Variants in PIK3CA observed in about 807,000 individuals in gnomAD.
The protein encoded by PIK3CA is phosphatidylinositol-4,5-bisphosphate 3-kinase catalytic subunit alpha.
PIK3CA carries 27 observed loss-of-function variants against 138.2 expected under a neutral mutation model. The observed-to-expected ratio is 0.20, with a 90% CI of 0.14 to 0.27. PIK3CA has a LOEUF of 0.27. Ranked by LOEUF, PIK3CA falls within the 10% of genes least tolerant of loss-of-function variation. The probability of loss-of-function intolerance (pLI) is 1.00; values close to 1 mark genes in which losing one functional copy is unlikely to be tolerated. For synonymous variants in PIK3CA, 358 were observed against 413.2 expected, an observed-to-expected ratio of 0.87 and a Z score of 1.62; for missense variants, 544 against 1,277.4, an observed-to-expected ratio of 0.43 and a Z score of 8.75.
chr3:179,195,793 T>A (rs1724252437), intron 1 of PIK3CA, among the ~76,000 whole-genome samples: 1 of 152,208 alleles, frequency 6.6e-6, no homozygotes, highest in Non-Finnish European at 1.5e-5. Flanking sequence ...TCAAAAGTGT[T>A]ACTGCCCACC....
intron 1 of PIK3CA, among the ~76,000 whole-genome samples, chr3:179,185,456 A>C (rs778833711): frequency 2.0e-5 from 3 of 152,234 alleles, no homozygotes; most frequent in Non-Finnish European, 2.9e-5. Flanking sequence ...CCCCACCAAC[A>C]ATCAGTCAGT....
intron 1 of PIK3CA, among the ~76,000 whole-genome samples, chr3:179,169,785 C>A (rs927481884): frequency 1.3e-5 from 2 of 152,172 alleles, no homozygotes; most frequent in Non-Finnish European, 2.9e-5. Context: ...TATAATACTT[C>A]TTACTCTGTT....
rs1001419972 is a variant in PIK3CA at position 179,220,266 on chromosome 3, TGA to T, written c.2015+218_2015+219del. 2.8e-4 allele frequency among the ~76,000 whole-genome samples: 42 copies of T among 152,286 alleles called. 1 individual carries two copies. The highest frequency in any genetic ancestry group is 9.9e-4 in the African/African-American group (41 of 41,586). ...TTCAAAACTAAATTTTAGTCATGAA[TGA>T]GAGCTTAAATATTTTTAAAGATTTT... On this transcript the variant is annotated intron_variant, in intron 13 of 20. Coordinates refer to ENST00000263967, the MANE Select transcript of PIK3CA (RefSeq NM_006218.4). This position sits in a 1 kb window ranked among gnomAD's most constrained non-coding sequence, Gnocchi z 4.1.
At chr3:179,176,336 C>A (rs934806490) in intron 1 of PIK3CA, among the ~76,000 whole-genome samples, 4 of 152,182 alleles carry the variant, frequency 2.6e-5, no homozygotes, top group African/African-American at 9.7e-5. Context: ...AATGGGGTTT[C>A]ATGAGAATTG....
At chr3:179,204,873 T>C (rs1195782713) in intron 6 of PIK3CA, among the ~76,000 whole-genome samples, 2 of 151,474 alleles carry the variant, frequency 1.3e-5, no homozygotes, top group Non-Finnish European at 2.9e-5. Context: ...AAAAAAACAT[T>C]AGCCGGGCGT....
At position 179,235,085 on chromosome 3, in the gene PIK3CA, T is replaced by C. The variant is rs1158962599; in HGVS notation, c.*721T>C. 1.6e-5 allele frequency: 3 copies of C among 193,068 alleles called. No homozygotes were observed. The highest frequency in any genetic ancestry group is 8.1e-5 in the East Asian group (1 of 12,422). 12.0% of individuals were successfully genotyped at this position (193,068 alleles called of 1,614,324 possible). On this transcript the variant is annotated 3_prime_UTR_variant, in exon 21 of 21. Coordinates refer to ENST00000263967, the MANE Select transcript of PIK3CA (RefSeq NM_006218.4). ...TCTGGACAGTATTTAAAGGATCTTA[T>C]TCTTATTTCCCAGGGAAATTCTGGG... is the stretch of plus-strand genomic sequence containing the variant.
At chr3:179,172,985 T>A (rs1249254372) in intron 1 of PIK3CA, among the ~76,000 whole-genome samples, 1 of 152,222 alleles carries the variant, frequency 6.6e-6, no homozygotes, top group South Asian at 2.1e-4. Flanking sequence ...TGAAAGAGAT[T>A]TGAAAATCTA....
At chr3:179,174,785 A>G (rs1025706437) in intron 1 of PIK3CA, among the ~76,000 whole-genome samples, 1 of 152,208 alleles carries the variant, frequency 6.6e-6, no homozygotes, top group African/African-American at 2.4e-5. Context: ...CCATATAGTA[A>G]TAAAGCAAAT....
intron 1 of PIK3CA, among the ~76,000 whole-genome samples, chr3:179,194,709 C>T (rs989675980): frequency 6.6e-6 from 1 of 152,156 alleles, no homozygotes; most frequent in Non-Finnish European, 1.5e-5. Flanking sequence ...CATGGTCTGA[C>T]TTTATACACA....
rs121913275 is a variant in PIK3CA, at chr3:179,218,305, G to A, written c.1635G>A (p.Glu545=). The change falls in exon 10 of 21, where the codon GAG becomes GAA. Residue 545 remains glutamate, a synonymous_variant. Transcript: ENST00000263967. ...GAGATCCTCTCTCTGAAATCACTGA[G>A]CAGGAGAAAGATTTTCTATGGAGTC... ...STRDPLSEIT[E]QEKDFLWSHR... 8.7e-6 allele frequency: 14 copies of A among 1,611,132 alleles called. No individual in the cohort carries two copies. The highest frequency in any genetic ancestry group is 1.1e-5 in the Non-Finnish European group (13 of 1,178,290).
In PIK3CA at chr3:179,232,768, T is replaced by G. The variant is rs185309252; in HGVS notation, c.2937-1326T>G. Among the ~76,000 whole-genome samples the G allele has an allele frequency of 6.6e-4, 101 of 152,248 alleles. 1 individual carries two copies. Among genetic ancestry groups the G allele is most frequent in the African/African-American group, 2.2e-3 (90 of 41,560 alleles). Reference sequence around the variant, plus strand: ...TTCTTAATTTGATTCTCAGCTTGGTTGTTGTTGGTGTATAGCAATGCTGCT... The same window carrying G: ...TTCTTAATTTGATTCTCAGCTTGGTGGTTGTTGGTGTATAGCAATGCTGCT... On this transcript the variant is annotated intron_variant, in intron 20 of 20. Coordinates refer to ENST00000263967, the MANE Select transcript of PIK3CA (RefSeq NM_006218.4).
intron 1 of PIK3CA, among the ~76,000 whole-genome samples, chr3:179,162,141 AAC>A (rs777227386): frequency 1.3e-5 from 2 of 152,260 alleles, no homozygotes; most frequent in Admixed American, 1.3e-4. Context: ...AGAAATCTGA[AAC>A]ATGATGAAGT....
chr3:179,155,531 A>AT lies in PIK3CA; in HGVS notation c.-77+6936dup, dbSNP rs151235857. On this transcript the variant is annotated intron_variant, in intron 1 of 20. Coordinates refer to ENST00000263967, the MANE Select transcript of PIK3CA (RefSeq NM_006218.4). ...TTATTTCTGTACTATGCATATACAG[A>AT]TTTTTTTTGGTCATTATTCCCTAAA... Among the ~76,000 whole-genome samples the AT allele has an allele frequency of 9.1e-3, 1,383 of 152,062 alleles. 14 individuals carry two copies. Among genetic ancestry groups the AT allele is most frequent in the Non-Finnish European group, 0.014 (973 of 67,956 alleles).
chr3:179,221,247 T>C, intron 14 of PIK3CA, 90 bp downstream of exon 14: 1 of 813,878 alleles, frequency 1.2e-6, no homozygotes, highest in Non-Finnish European at 2.0e-6. Context: ...ATCATGGTCC[T>C]TGGAATCAAG....
At position 179,209,683 on chromosome 3, in the gene PIK3CA, C is replaced by A. The variant is rs745676512; in HGVS notation, c.1234C>A (p.Arg412=). The A allele has an allele frequency of 1.9e-6, 3 of 1,604,514 alleles. No individual in the cohort carries two copies. Among genetic ancestry groups the A allele is most frequent in the Non-Finnish European group, 2.6e-6 (3 of 1,172,880 alleles). Residue 412 remains arginine, a synonymous_variant, in exon 7 of 21, where the codon CGA becomes AGA. Transcript: ENST00000263967. Reference sequence around the variant, plus strand: ...CCTTTCCATTTGCTCTGTTAAAGGCCGAAAGGGTGCTAAAGAGGTAAAGTA... The same window carrying A: ...CCTTTCCATTTGCTCTGTTAAAGGCAGAAAGGGTGCTAAAGAGGTAAAGTA... ...LCLSICSVKG[R]KGAKEEHCPL...
rs1166533990 is a variant in PIK3CA at position 179,237,581 on chromosome 3, T to C, written c.*3217T>C. 9.6e-6 allele frequency: 2 copies of C among 207,434 alleles called. No homozygotes were observed. The highest frequency in any genetic ancestry group is 4.6e-5 in the African/African-American group (2 of 43,954). 12.8% of individuals were successfully genotyped at this position (207,434 alleles called of 1,614,324 possible). On this transcript the variant is annotated 3_prime_UTR_variant, in exon 21 of 21. Coordinates refer to ENST00000263967, the MANE Select transcript of PIK3CA (RefSeq NM_006218.4). ...CCTCTTGGATTTTATTTTAAATGGA[T>C]TGGTGACTTTCACATAGGTAAAACA... is the stretch of plus-strand genomic sequence containing the variant.
intron 1 of PIK3CA, among the ~76,000 whole-genome samples, chr3:179,191,606 T>G (rs370825789): frequency 2.6e-5 from 4 of 152,334 alleles, no homozygotes; most frequent in South Asian, 4.2e-4. Flanking sequence ...TATCGATGTT[T>G]TAAAAACATA....
chr3:179,196,201 A>G (rs1458135808), intron 1 of PIK3CA, among the ~76,000 whole-genome samples: 1 of 152,232 alleles, frequency 6.6e-6, no homozygotes, highest in African/African-American at 2.4e-5. Context: ...TATATAAAAT[A>G]GTTGCTCTGG....
chr3:179,209,845 A>G (rs970630366), intron 7 of PIK3CA, 145 bp downstream of exon 7: 3 of 466,590 alleles, frequency 6.4e-6, no homozygotes, highest in African/African-American at 6.0e-5. Flanking sequence ...TAAATGTATC[A>G]TGGAAGAATA....
Sources: allele counts gnomAD v4.1 joint callset (sites outside exome capture counted in the v4.1 genomes callset), GRCh38; gene constraint gnomAD v4.1.1; non-coding constraint Gnocchi (gnomAD v3.1); transcripts MANE v1.5; gene names NCBI Gene and HGNC (gene_info 2026-07-23, HGNC 2026-07-21).